ATE1: variants seen among roughly 807,000 people sequenced by gnomAD.
The protein encoded by ATE1 is arginyltransferase 1, also known as arginyl-tRNA--protein transferase 1.
A neutral mutation model predicts 70.5 loss-of-function variants in ATE1; 36 were observed. The ratio of observed to expected loss-of-function variants is 0.51; its 90% confidence interval spans 0.39 to 0.67. ATE1 has a LOEUF of 0.67. Ranked by LOEUF, ATE1 falls within the 30% of genes least tolerant of loss-of-function variation. The pLI is 0.00. For synonymous variants in ATE1, 232 were observed against 219.3 expected (o/e 1.06, Z -0.51); for missense variants, 593 against 629.5 (o/e 0.94, Z 0.62).
intron 11 of ATE1, among the ~76,000 whole-genome samples, chr10:121,759,835 CCA>C (rs1260035841): frequency 3.3e-5 from 5 of 151,826 alleles, no homozygotes; most frequent in Middle Eastern, 3.4e-3. Flanking sequence ...CTACACTAAA[CCA>C]GAGATTTTCA....
At chr10:121,858,090 G>A (rs148532100) in intron 8 of ATE1, among the ~76,000 whole-genome samples, 68 of 152,154 alleles carry the variant, frequency 4.5e-4, no homozygotes, top group African/African-American at 1.6e-3. Flanking sequence ...TTCATCCACC[G>A]ATGAATACTT....
At chr10:121,887,177 G>A (rs905967327) in intron 7 of ATE1, among the ~76,000 whole-genome samples, 1 of 150,870 alleles carries the variant, frequency 6.6e-6, no homozygotes, top group Admixed American at 6.6e-5. Context: ...AAGGGTTCTC[G>A]ATCTACACCA....
intron 10 of ATE1, among the ~76,000 whole-genome samples, chr10:121,831,703 T>A (rs7071500): frequency 0.88 from 133,986 of 152,240 alleles, 59,254 homozygotes; most frequent in Middle Eastern, 0.95. Context: ...ACATAAATTT[T>A]CTAAAAAAAT....
chr10:121,800,148 G>A (rs1383363899), intron 10 of ATE1, among the ~76,000 whole-genome samples: 1 of 152,150 alleles, frequency 6.6e-6, no homozygotes, highest in Admixed American at 6.5e-5. Context: ...AATGTGACAT[G>A]TAAGAATTCT....
chr10:121,881,403 T>C (rs1950218934), intron 7 of ATE1, among the ~76,000 whole-genome samples: 1 of 152,170 alleles, frequency 6.6e-6, no homozygotes, highest in Non-Finnish European at 1.5e-5. Context: ...TCTGCTCCTG[T>C]ATGAACAAGA....
intron 7 of ATE1, among the ~76,000 whole-genome samples, chr10:121,899,176 G>A (rs1250217702): frequency 2.7e-5 from 4 of 150,550 alleles, no homozygotes; most frequent in Admixed American, 6.6e-5. Flanking sequence ...AACCTCATAA[G>A]AGCCAACAAT....
chr10:121,780,348 A>G (rs946522990), intron 11 of ATE1, among the ~76,000 whole-genome samples: 1 of 152,136 alleles, frequency 6.6e-6, no homozygotes, highest in Non-Finnish European at 1.5e-5. Flanking sequence ...AAACACAATT[A>G]ATCACCCAAT....
upstream of ATE1, chr10:121,928,462 A>AT: frequency 6.6e-7 from 1 of 1,509,962 alleles, no homozygotes; most frequent in Non-Finnish European, 8.9e-7. Flanking sequence ...CGGGCCGACC[A>AT]CGCCTCTTGG....
rs1429801315 is a variant in ATE1 at position 121,764,210 on chromosome 10, A to G, written c.1379-20352T>C. ...CTGTGAACCTAAAGCTGTTAAAAAA[A>G]AAAAAAGTCAACTAATTAAAAAAAA... On this transcript the variant is annotated intron_variant, in intron 11 of 11. Coordinates refer to ENST00000224652, the MANE Select transcript of ATE1 (RefSeq NM_001001976.3). Among the ~76,000 whole-genome samples the G allele has an allele frequency of 3.9e-5, 6 of 152,208 alleles. No homozygotes were observed. In the East Asian group the frequency reaches 1.2e-3, roughly 29 times the overall value.
chr10:121,822,745 C>G (rs1947849548), intron 10 of ATE1, among the ~76,000 whole-genome samples: 1 of 152,030 alleles, frequency 6.6e-6, no homozygotes, highest in Non-Finnish European at 1.5e-5. Context: ...GCAATGCAGG[C>G]TCCCCAAAAA....
At chr10:121,878,379 G>C (rs1321473836) in intron 7 of ATE1, among the ~76,000 whole-genome samples, 2 of 152,034 alleles carry the variant, frequency 1.3e-5, no homozygotes, top group African/African-American at 4.8e-5. Flanking sequence ...GACTGCTTGA[G>C]GCCAGGAGTT....
At chr10:121,884,793 ATG>A (rs1446928966) in intron 7 of ATE1, among the ~76,000 whole-genome samples, 2 of 152,214 alleles carry the variant, frequency 1.3e-5, no homozygotes, top group African/African-American at 4.8e-5. Context: ...TTAGTTATAA[ATG>A]TCTTTACTAC....
chr10:121,809,034 G>A (rs1947210230), intron 10 of ATE1, among the ~76,000 whole-genome samples: 1 of 152,174 alleles, frequency 6.6e-6, no homozygotes, highest in Non-Finnish European at 1.5e-5. Context: ...TCTCCCAAAT[G>A]TTGACATGTT....
chr10:121,928,407 C>T, upstream of ATE1: 10 of 1,527,694 alleles, frequency 6.5e-6, no homozygotes, highest in Non-Finnish European at 8.8e-6. Flanking sequence ...GCCCTGAGGC[C>T]CTTGTATTCC....
chr10:121,872,889 A>G (rs1949911658), intron 7 of ATE1, among the ~76,000 whole-genome samples: 1 of 152,170 alleles, frequency 6.6e-6, no homozygotes, highest in Non-Finnish European at 1.5e-5. Context: ...AGTTAACAGT[A>G]GTTAAGAGAA....
chr10:121,858,365 C>T (rs772762745), intron 8 of ATE1, among the ~76,000 whole-genome samples: 5 of 151,860 alleles, frequency 3.3e-5, no homozygotes, highest in Non-Finnish European at 5.9e-5. Context: ...TTTATAATAA[C>T]CCACCAAATA....
chr10:121,862,553 T>C (rs1205264967), intron 8 of ATE1, among the ~76,000 whole-genome samples: 3 of 147,786 alleles, frequency 2.0e-5, no homozygotes, highest in African/African-American at 7.6e-5. Context: ...TTTTTTTTTT[T>C]TGTAGAGACG....
chr10:121,896,742 A>G (rs890777233), intron 7 of ATE1, among the ~76,000 whole-genome samples: 4 of 147,222 alleles, frequency 2.7e-5, no homozygotes, highest in Non-Finnish European at 5.9e-5. Flanking sequence ...CCGGGAGGCA[A>G]AGGCTGCAGT....
intron 10 of ATE1, among the ~76,000 whole-genome samples, chr10:121,818,256 C>CAAAAAAAAA (rs66792557): frequency 1.1e-4 from 7 of 63,396 alleles, no homozygotes; most frequent in South Asian, 9.2e-4. Flanking sequence ...GACTCCATCT[C>CAAAAAAAAA]AAAAAAAAAA....
Sources: gnomAD v4.1 joint callset for allele counts (sites outside exome capture counted in the v4.1 genomes callset) on GRCh38, gnomAD v4.1.1 for gene constraint, MANE v1.5 for transcripts, NCBI Gene and HGNC (gene_info 2026-07-23, HGNC 2026-07-21) for gene names.